Variants in ZNF613 observed in about 807,000 individuals in gnomAD.
The protein encoded by ZNF613 is zinc finger protein 613.
ZNF613 carries 8 observed loss-of-function variants against 14.3 expected under a neutral mutation model. The ratio of observed to expected loss-of-function variants is 0.56; its 90% CI spans 0.33 to 1.01. The LOEUF (loss-of-function observed/expected upper bound fraction) is 1.01. Among genes scored for constraint, ZNF613 ranks in the 50% least tolerant of loss-of-function variants. ZNF613 has a pLI of 0.03. For synonymous variants in ZNF613, 228 were observed against 254.5 expected, an observed-to-expected ratio of 0.90 and a Z score of 0.99; for missense variants, 656 against 741.9, an observed-to-expected ratio of 0.88 and a Z score of 1.35.
intron 3 of ZNF613, among the ~76,000 whole-genome samples, chr19:51,936,620 C>T (rs1056941535): frequency 6.6e-6 from 1 of 152,148 alleles, no homozygotes; most frequent in Non-Finnish European, 1.5e-5. Context: ...TCCTAACTAG[C>T]TGGGAGTGTG....
intron 2 of ZNF613, among the ~76,000 whole-genome samples, chr19:51,935,413 T>A (rs1346893866): frequency 6.6e-6 from 1 of 152,244 alleles, no homozygotes; most frequent in African/African-American, 2.4e-5. Context: ...TAAGGTCATG[T>A]TCTTGGAGAC....
In ZNF613 at chr19:51,946,044, G is replaced by T. The variant is rs945310896; in HGVS notation, c.*307G>T. Reference sequence around the variant, plus strand: ...ACAGTACGCCAGTAGGTATCAGGGGGTTTACACAGGAGAGAAACTTTTGGA... The same window carrying T: ...ACAGTACGCCAGTAGGTATCAGGGGTTTTACACAGGAGAGAAACTTTTGGA... On this transcript the variant is annotated 3_prime_UTR_variant, in exon 6 of 6. Coordinates refer to ENST00000293471, the MANE Select transcript of ZNF613 (RefSeq NM_001031721.4). 6.5e-6 allele frequency: 2 copies of T among 308,504 alleles called. No individual in the cohort carries two copies. The highest frequency in any genetic ancestry group is 1.2e-5 in the Non-Finnish European group (2 of 162,818). 19.1% of individuals were successfully genotyped at this position (308,504 alleles called of 1,614,324 possible).
intron 3 of ZNF613, among the ~76,000 whole-genome samples, chr19:51,939,262 T>C (rs865894855): frequency 2.6e-5 from 4 of 151,866 alleles, no homozygotes; most frequent in Admixed American, 2.6e-4. Context: ...AACCCATATG[T>C]GTGTGTATGG....
chr19:51,936,271 C>A, intron 3 of ZNF613, 36 bp downstream of exon 3: 1 of 1,591,092 alleles, frequency 6.3e-7, no homozygotes, highest in Non-Finnish European at 8.5e-7. Flanking sequence ...TCCTTCATCA[C>A]ATGATTGATT....
chr19:51,941,169 T>C (rs1031479627), intron 5 of ZNF613, among the ~76,000 whole-genome samples: 1 of 152,198 alleles, frequency 6.6e-6, no homozygotes, highest in African/African-American at 2.4e-5. Context: ...TGACCTCTGG[T>C]GATCCACCTG....
At chr19:51,930,319 T>C (rs900909035) in intron 2 of ZNF613, among the ~76,000 whole-genome samples, 1 of 152,118 alleles carries the variant, frequency 6.6e-6, no homozygotes, top group African/African-American at 2.4e-5. Flanking sequence ...TAGAATGCAG[T>C]GGCGTGATCT....
At chr19:51,937,725 CTTTTTTTTT>C (rs557250619) in intron 3 of ZNF613, among the ~76,000 whole-genome samples, 2 of 105,280 alleles carry the variant, frequency 1.9e-5, no homozygotes, top group African/African-American at 3.7e-5. Flanking sequence ...TGTCTTTTTT[CTTTTTTTTT>C]TTTTTTTTTT....
In ZNF613 at chr19:51,940,199, C is replaced by A; in HGVS notation, c.16-10C>A. The stretch of plus-strand genomic sequence containing the variant: ...AATACTTCATATTAAGCAGGACTCT[C>A]TTATTACAGGAATCACTGACCCTGG... On this transcript the variant is annotated splice_polypyrimidine_tract_variant and intron_variant, in intron 3 of 5. Coordinates refer to ENST00000293471, the MANE Select transcript of ZNF613 (RefSeq NM_001031721.4). 6.2e-7 allele frequency: 1 copy of A among 1,612,912 alleles called. No individual in the cohort carries two copies.
At chr19:51,928,041 G>GTA in intron 1 of ZNF613, 1 of 91,518 alleles carries the variant, frequency 1.1e-5, no homozygotes, top group African/African-American at 4.9e-5. Context: ...TATCTAATCT[G>GTA]TCTAATCTAA....
intron 1 of ZNF613, chr19:51,928,097 A>G (rs1019200477): frequency 2.6e-5 from 4 of 151,736 alleles, no homozygotes; most frequent in Admixed American, 6.6e-5. Context: ...TATCTAATCT[A>G]TCTGTTTATT....
chr19:51,935,297 A>G (rs1232509372), intron 2 of ZNF613, among the ~76,000 whole-genome samples: 1 of 152,200 alleles, frequency 6.6e-6, no homozygotes. Context: ...TTATATGTCT[A>G]TGACAGTGGC....
At position 51,945,413 on chromosome 19, in the gene ZNF613, A is replaced by C. The variant is rs755058964; in HGVS notation, c.1530A>C (p.Arg510Ser). The change falls in exon 6 of 6, where the codon AGA becomes AGC. Residue 510 changes from arginine to serine, a missense_variant. Arg to Ser is a moderately radical substitution (Grantham distance 110). Coordinates refer to ENST00000293471, the MANE Select transcript of ZNF613 (RefSeq NM_001031721.4). The stretch of plus-strand genomic sequence containing the variant: ...ATCGGAGAACTCATACAGGGGAGAG[A>C]CCGTATGGATGCTCTGATTGTGGGA... ...NRHRRTHTGERPYGCSDCGKA... is the reference protein window; with the variant it reads ...NRHRRTHTGESPYGCSDCGKA... 25 of 1,613,740 alleles carry C rather than the reference A, an allele frequency of 1.5e-5. No individual in the cohort carries two copies. In the Middle Eastern group the frequency reaches 4.9e-4, roughly 32 times the overall value.
At position 51,944,595 on chromosome 19, in the gene ZNF613, G is replaced by T; in HGVS notation, c.712G>T (p.Gly238Trp). The T allele has an allele frequency of 6.2e-7, 1 of 1,614,166 alleles. No homozygotes were observed. The change falls in exon 6 of 6, where the codon GGG (glycine) becomes TGG (tryptophan). Residue 238 changes from glycine (G) to tryptophan (W), a missense_variant. By Grantham distance (184) the Gly-to-Trp change is radical (BLOSUM62 -2). Coordinates refer to ENST00000293471, the MANE Select transcript of ZNF613 (RefSeq NM_001031721.4). Reference protein sequence around the residue: ...GEKPHGCSICGKAFSRKSGLT... With the variant: ...GEKPHGCSICWKAFSRKSGLT... ...GAAACCTCATGGATGCAGTATATGT[G>T]GGAAAGCCTTCTCCAGAAAGTCCGG... is the stretch of plus-strand genomic sequence containing the variant.
Position 51,945,308 on chromosome 19 carries a change from G to C in ZNF613, c.1425G>C (p.Gln475His), listed in dbSNP as rs754163578. The change falls in exon 6 of 6, where the codon CAG becomes CAC. Residue 475 changes from glutamine to histidine, a missense_variant. Transcript: ENST00000293471. ...ACAAGTCAGGTCTCATTAACCACCA[G>C]AGAATTCACACAGGAGAGAAACCCT... ...CSHKSGLINH[Q>H]RIHTGEKPYT... 1.9e-5 allele frequency: 30 copies of C among 1,613,984 alleles called. No homozygotes were observed. Among genetic ancestry groups the C allele is most frequent in the Non-Finnish European group, 6.8e-6 (8 of 1,180,016 alleles).
chr19:51,945,933 C>A lies in ZNF613; in HGVS notation c.*196C>A. ...GAAATTCTTTTATGGGAAGATAGAT[C>A]TTCTCATCAGTGACCATAGATCACA... On this transcript the variant is annotated 3_prime_UTR_variant, in exon 6 of 6. Transcript: ENST00000293471. 1.7e-6 allele frequency: 1 copy of A among 603,972 alleles called. No individual in the cohort carries two copies. The highest frequency in any genetic ancestry group is 2.9e-6 in the Non-Finnish European group (1 of 345,510). 37.4% of individuals were successfully genotyped at this position (603,972 alleles called of 1,614,324 possible).
At position 51,945,599 on chromosome 19, in the gene ZNF613, G is replaced by T; in HGVS notation, c.1716G>T (p.Val572=). ...LIQDKDSVNM[V]TLQMPSVAAQ... is the part of the protein sequence containing the mutation. ...AGGATAAAGACTCTGTTAACATGGT[G>T]ACTCTGCAGATGCCTTCTGTGGCAG... The change falls in exon 6 of 6, where the codon GTG becomes GTT. Residue 572 remains valine (V), a synonymous_variant. Coordinates refer to ENST00000293471, the MANE Select transcript of ZNF613 (RefSeq NM_001031721.4). 6.2e-7 allele frequency: 1 copy of T among 1,614,160 alleles called. No homozygotes were observed. The highest frequency in any genetic ancestry group is 8.5e-7 in the Non-Finnish European group (1 of 1,180,026).
At chr19:51,937,857 G>A (rs1327808036) in intron 3 of ZNF613, among the ~76,000 whole-genome samples, 2 of 150,898 alleles carry the variant, frequency 1.3e-5, no homozygotes, top group Non-Finnish European at 2.9e-5. Context: ...AGCCTCCCGA[G>A]TAGCTGAGAT....
chr19:51,940,449 C>A, intron 4 of ZNF613, 114 bp downstream of exon 4: 2 of 1,562,258 alleles, frequency 1.3e-6, no homozygotes, highest in Admixed American at 1.8e-5. Flanking sequence ...GATTCTGTAC[C>A]CTCTCTGGCC....
chr19:51,938,279 T>C lies in ZNF613; in HGVS notation c.16-1930T>C, dbSNP rs117153895. Among the ~76,000 whole-genome samples the C allele has an allele frequency of 5.3e-5, 8 of 152,250 alleles. No individual in the cohort carries two copies. In the East Asian group the frequency reaches 1.5e-3, roughly 29 times the overall value. ...TTCTAAATTTTTTTTTCATTTTTCT[T>C]CTTTTTCTTTTCTTTTGAGTTTCAC... On this transcript the variant is annotated intron_variant, in intron 3 of 5. Transcript: ENST00000293471.
Sources: allele counts gnomAD v4.1 joint callset (sites outside exome capture counted in the v4.1 genomes callset), GRCh38; gene constraint gnomAD v4.1.1; transcripts MANE v1.5; gene names NCBI Gene and HGNC (gene_info 2026-07-23, HGNC 2026-07-21).